The following COL22A1 variants were observed in gnomAD, a reference collection of about 807,000 sequenced individuals.
The protein encoded by COL22A1 is collagen alpha-1(XXII) chain.
A neutral mutation model predicts 248.9 loss-of-function variants in COL22A1; 221 were observed. That is an observed-to-expected ratio of 0.89 (90% CI 0.80 to 0.99). The LOEUF is 0.99. COL22A1 is among the 50% of genes least tolerant of loss of function. COL22A1 has a pLI of 0.00. For synonymous variants in COL22A1, 891 were observed against 793.4 expected (o/e 1.12, Z -2.07); for missense variants, 2,240 against 2,179.0 (o/e 1.03, Z -0.56).
chr8:138,722,292 TATCA>T, intron 25 of COL22A1: 2 of 580,330 alleles, frequency 3.4e-6, no homozygotes, highest in Admixed American at 6.8e-5. Flanking sequence ...CTGAAGCAAA[TATCA>T]CCCTCTGGGC....
In COL22A1 at chr8:138,700,313, G is replaced by A. The variant is rs572175021; in HGVS notation, c.2560-169C>T. Among the ~76,000 whole-genome samples the A allele has an allele frequency of 2.0e-5, 3 of 152,274 alleles. No individual in the cohort carries two copies. The South Asian group carries it at 6.2e-4, about 32-fold the overall frequency. On this transcript the variant is annotated intron_variant, in intron 31 of 64. Coordinates refer to ENST00000303045, the MANE Select transcript of COL22A1 (RefSeq NM_152888.3). ...TTCACATCTTTCTTTAAAATCCCTG[G>A]CTATTTATTTATTAAGGCAGAAATG...
At chr8:138,798,034 C>T (rs1816699275) in intron 11 of COL22A1, among the ~76,000 whole-genome samples, 1 of 151,446 alleles carries the variant, frequency 6.6e-6, no homozygotes, top group Non-Finnish European at 1.5e-5. Context: ...CCTATTGAAA[C>T]CTATTTGTCT....
intron 27 of COL22A1, among the ~76,000 whole-genome samples, chr8:138,718,743 T>C (rs915157382): frequency 6.6e-6 from 1 of 152,222 alleles, no homozygotes; most frequent in Non-Finnish European, 1.5e-5. Flanking sequence ...AGTTTTAAAC[T>C]TTTCAGAGAA....
Position 138,821,189 on chromosome 8 carries a change from T to G in COL22A1, c.1192A>C (p.Ile398Leu). Residue 398 changes from isoleucine to leucine, a missense_variant, in exon 7 of 65, where the codon ATC becomes CTC. By Grantham distance (5) the Ile-to-Leu change is conservative. Transcript: ENST00000303045. ...LPIEERENIDIQGKTVIGKRL... is the reference protein window; with the variant it reads ...LPIEERENIDLQGKTVIGKRL... The stretch of plus-strand genomic sequence containing the variant: ...TTGCCAATCACAGTCTTGCCCTGGA[T>G]GTCAATGTTCTCCCGTTCCTCGATG... 6.2e-7 allele frequency: 1 copy of G among 1,614,188 alleles called. No individual in the cohort carries two copies. Among genetic ancestry groups the G allele is most frequent in the Non-Finnish European group, 8.5e-7 (1 of 1,180,026 alleles).
intron 5 of COL22A1, among the ~76,000 whole-genome samples, chr8:138,827,696 C>T (rs1194418687): frequency 6.6e-6 from 1 of 151,796 alleles, no homozygotes; most frequent in African/African-American, 2.4e-5. Context: ...TTGTTAATTC[C>T]CTTCTATGGA....
chr8:138,721,403 A>C (rs2131137911), intron 26 of COL22A1, among the ~76,000 whole-genome samples: 1 of 152,352 alleles, frequency 6.6e-6, no homozygotes, highest in African/African-American at 2.4e-5. Flanking sequence ...ATAATAATTC[A>C]TTTAAAGTAT....
chr8:138,716,900 T>A (rs747772819), intron 27 of COL22A1, 31 bp from the exon 28 acceptor site: 1 of 1,573,360 alleles, frequency 6.4e-7, no homozygotes, highest in Non-Finnish European at 8.7e-7. Context: ...ACCCCATTAT[T>A]CTCCATTCAC....
chr8:138,617,049 G>A lies in COL22A1; in HGVS notation c.3826-91C>T, dbSNP rs879799747. 176 of 1,343,528 alleles carry A rather than the reference G, an allele frequency of 1.3e-4. No homozygotes were observed. In the Admixed American group the frequency reaches 2.7e-3, roughly 21 times the overall value. 83.2% of individuals were successfully genotyped at this position (1,343,528 alleles called of 1,614,324 possible). ...TACCTCCCTGCCGGCTTTGACCCAC[G>A]TTGCCCCCGCTCATTCTTTACCATT... On this transcript the variant is annotated intron_variant, in intron 53 of 64. Transcript: ENST00000303045.
At chr8:138,727,035 G>C (rs1830372369) in intron 23 of COL22A1, among the ~76,000 whole-genome samples, 1 of 152,088 alleles carries the variant, frequency 6.6e-6, no homozygotes, top group Non-Finnish European at 1.5e-5. Context: ...TGGATGTGGC[G>C]TTCTGCATAT....
At chr8:138,659,857 G>A (rs977195325) in intron 44 of COL22A1, among the ~76,000 whole-genome samples, 14 of 152,222 alleles carry the variant, frequency 9.2e-5, no homozygotes, top group Admixed American at 2.6e-4. Context: ...TCACTGTGAG[G>A]CAAGAAAGAA....
At chr8:138,808,619 A>G (rs931093992) in intron 9 of COL22A1, among the ~76,000 whole-genome samples, 6 of 152,262 alleles carry the variant, frequency 3.9e-5, no homozygotes, top group African/African-American at 1.4e-4. Context: ...AATGTCGCCA[A>G]GCTGAAAACA....
chr8:138,617,598 G>A (rs1440200715), intron 53 of COL22A1, among the ~76,000 whole-genome samples: 1 of 152,210 alleles, frequency 6.6e-6, no homozygotes, highest in African/African-American at 2.4e-5. Context: ...AGGCCAATCT[G>A]TGTGAAAATC....
chr8:138,692,718 C>T (rs1331858658), intron 35 of COL22A1, among the ~76,000 whole-genome samples: 1 of 151,982 alleles, frequency 6.6e-6, no homozygotes, highest in Non-Finnish European at 1.5e-5. Flanking sequence ...TGCACATCTC[C>T]AGGGTCAGGA....
chr8:138,775,594 A>T (rs746751287), intron 16 of COL22A1, among the ~76,000 whole-genome samples: 1 of 152,188 alleles, frequency 6.6e-6, no homozygotes, highest in Non-Finnish European at 1.5e-5. Flanking sequence ...CAGAGAAGTT[A>T]TGTAACTTGC....
chr8:138,726,200 G>A (rs1043816766), intron 23 of COL22A1, among the ~76,000 whole-genome samples: 6 of 151,888 alleles, frequency 4.0e-5, no homozygotes, highest in South Asian at 2.1e-4. Flanking sequence ...AAATAATTAC[G>A]GTAGAAAAGG....
At position 138,889,721 on chromosome 8, in the gene COL22A1, A is replaced by G. The variant is rs1824915785; in HGVS notation, c.-72-6477T>C. Among the ~76,000 whole-genome samples the G allele has an allele frequency of 3.3e-5, 5 of 152,342 alleles. No homozygotes were observed. The South Asian group carries it at 1.0e-3, about 32-fold the overall frequency. On this transcript the variant is annotated intron_variant, in intron 1 of 64. Coordinates refer to ENST00000303045, the MANE Select transcript of COL22A1 (RefSeq NM_152888.3). ...AAAGTTAAAGCAAATATTAGCTGCA[A>G]CTACTGAGCCGCCTTTGTCTTGTGA...
rs2292929 is a variant in COL22A1, at chr8:138,883,197, C to A, written c.-25G>T. ...TGGCTCTCCTGTTCTTGGGGACAGG[C>A]TTCTCTTGGCCAGGAAGAGACGCTG... On this transcript the variant is annotated 5_prime_UTR_variant, in exon 2 of 65. Transcript: ENST00000303045. 372 of 1,554,542 alleles carry A rather than the reference C, an allele frequency of 2.4e-4. 2 individuals are homozygous for A. In the East Asian group the frequency reaches 8.6e-3, roughly 36 times the overall value.
At chr8:138,748,547 T>C (rs1563706884) in intron 22 of COL22A1, among the ~76,000 whole-genome samples, 1 of 152,194 alleles carries the variant, frequency 6.6e-6, no homozygotes, top group Non-Finnish European at 1.5e-5. Flanking sequence ...GAAATGGGGA[T>C]GGCAGAGCTG....
At chr8:138,830,331 C>T (rs1819944652) in intron 5 of COL22A1, among the ~76,000 whole-genome samples, 1 of 152,116 alleles carries the variant, frequency 6.6e-6, no homozygotes, top group Non-Finnish European at 1.5e-5. Context: ...TGCGTCAATG[C>T]CCTTTACATA....
Sources: allele counts gnomAD v4.1 joint callset (sites outside exome capture counted in the v4.1 genomes callset), GRCh38; gene constraint gnomAD v4.1.1; transcripts MANE v1.5; gene names NCBI Gene and HGNC (gene_info 2026-07-23, HGNC 2026-07-21).